BTN3A3: variants seen among roughly 807,000 people sequenced by gnomAD.
BTN3A3 encodes the protein butyrophilin 3.
Under a neutral mutation model 43.2 loss-of-function variants are expected in BTN3A3, and 39 were observed. The observed-to-expected ratio is 0.90, with a 90% CI of 0.70 to 1.18. The LOEUF is 1.18. BTN3A3 is among the 50% of genes most tolerant of loss of function. BTN3A3 has a pLI of 0.00. For synonymous variants in BTN3A3, 255 were observed against 272.7 expected, an observed-to-expected ratio of 0.93 and a Z score of 0.64; for missense variants, 631 against 722.8, an observed-to-expected ratio of 0.87 and a Z score of 1.46.
rs2113836846 is a variant in BTN3A3 at position 26,445,806 on chromosome 6, G to A, written c.536G>A (p.Trp179Ter). The change falls in exon 5 of 11, where the codon TGG becomes TAG. Residue 179 changes from tryptophan to a stop codon, truncating the protein, a stop_gained. Transcript: ENST00000244519. LOFTEE classifies it high-confidence loss of function. ...TGWYPQPQIK[W>*]SDTKGENIPA... is the part of the protein sequence containing the mutation. ...TGGTACCCCCAACCCCAAATAAAGT[G>A]GAGCGACACCAAGGGAGAGAACATC... 6.2e-7 allele frequency: 1 copy of A among 1,614,186 alleles called. No individual in the cohort carries two copies. The highest frequency in any genetic ancestry group is 8.5e-7 in the Non-Finnish European group (1 of 1,180,036).
chr6:26,448,871 T>C, intron 8 of BTN3A3, 117 bp downstream of exon 8: 4 of 1,236,986 alleles, frequency 3.2e-6, no homozygotes, highest in Non-Finnish European at 4.7e-6. Context: ...CCTAGATCCC[T>C]TTACTCAGGA....
Position 26,441,857 on chromosome 6 carries a change from T to C in BTN3A3, c.-67+1209T>C, listed in dbSNP as rs77237223. Among the ~76,000 whole-genome samples, 972 of 152,238 alleles carry C rather than the reference T, an allele frequency of 6.4e-3. 8 individuals are homozygous for C. The highest frequency in any genetic ancestry group is 0.022 in the African/African-American group (895 of 41,520). On this transcript the variant is annotated intron_variant, in intron 1 of 10. Coordinates refer to ENST00000244519, the MANE Select transcript of BTN3A3 (RefSeq NM_006994.5). ...CCTTTATGCTTTTCTTCATTTGCAA[T>C]ATTGACTATAATCAGGAAGAAAATA...
chr6:26,450,150 AT>A lies in BTN3A3; in HGVS notation c.1018+18del. On this transcript the variant is annotated intron_variant, in intron 10 of 10. Transcript: ENST00000244519. Reference sequence around the variant, plus strand: ...TCAAACCTGGTGAGTAAATCACTGTATGTTCCCTGGATCAACAACCTGAGGG... The same window carrying A: ...TCAAACCTGGTGAGTAAATCACTGTAGTTCCCTGGATCAACAACCTGAGGG... 6.2e-7 allele frequency: 1 copy of A among 1,611,954 alleles called. No individual in the cohort carries two copies. Among genetic ancestry groups the A allele is most frequent in the Non-Finnish European group, 8.5e-7 (1 of 1,178,068 alleles).
intron 8 of BTN3A3, 103 bp from the exon 9 acceptor site, chr6:26,449,559 G>A: frequency 8.0e-7 from 1 of 1,252,292 alleles, no homozygotes; most frequent in East Asian, 2.3e-5. Flanking sequence ...GGGAAGAGTG[G>A]AATGGTCAAA....
At chr6:26,440,772 CTG>C (rs55866097) in intron 1 of BTN3A3, 124 bp downstream of exon 1, 15,170 of 147,682 alleles carry the variant, frequency 0.1, 1,070 homozygotes, top group African/African-American at 0.21. Context: ...TGCAGTGCCT[CTG>C]TGTGTGTGTG....
At chr6:26,442,546 T>C (rs1309976379) in intron 1 of BTN3A3, among the ~76,000 whole-genome samples, 1 of 152,198 alleles carries the variant, frequency 6.6e-6, no homozygotes, top group Non-Finnish European at 1.5e-5. Flanking sequence ...TGTATCACCA[T>C]TATCTAGGTT....
At position 26,443,608 on chromosome 6, in the gene BTN3A3, C is replaced by T. The variant is rs764870694; in HGVS notation, c.34C>T (p.Leu12Phe). 5.6e-6 allele frequency: 9 copies of T among 1,614,114 alleles called. No individual in the cohort carries two copies. In the East Asian group the frequency reaches 1.8e-4, roughly 32 times the overall value. The change falls in exon 3 of 11, where the codon CTC (leucine) becomes TTC (phenylalanine). Residue 12 changes from leucine to phenylalanine, a missense_variant. Transcript: ENST00000244519. ...KMASSLAFLL[L>F]NFHVSLFLVQ... is the part of the protein sequence containing the mutation. ...GGCAAGTTCCCTGGCTTTCCTTCTG[C>T]TCAACTTTCATGTCTCCCTCTTCTT...
chr6:26,443,424 A>G lies in BTN3A3; in HGVS notation c.-24A>G, dbSNP rs370604128. On this transcript the variant is annotated 5_prime_UTR_variant, in exon 2 of 11. Coordinates refer to ENST00000244519, the MANE Select transcript of BTN3A3 (RefSeq NM_006994.5). ...AACCCAAAGGTAAAGACACTCAAGG[A>G]CAGACATTTTTGGCAGAGGTAAGAT... The G allele has an allele frequency of 2.1e-4, 302 of 1,461,110 alleles. 10 individuals are homozygous for G. Among genetic ancestry groups the G allele is most frequent in the East Asian group, 1.5e-3 (61 of 40,772 alleles). The allele number at this position is 1,461,110 out of a possible 1,614,324, so 90.5% of individuals were successfully genotyped here.
At position 26,451,834 on chromosome 6, in the gene BTN3A3, G is replaced by A. The variant is rs779329350; in HGVS notation, c.1178G>A (p.Gly393Glu). 2.5e-6 allele frequency: 4 copies of A among 1,614,032 alleles called. No homozygotes were observed. Among genetic ancestry groups the A allele is most frequent in the East Asian group, 2.2e-5 (1 of 44,882 alleles). Residue 393 changes from glycine (G) to glutamate (E), a missense_variant, in exon 11 of 11, where the codon GGG becomes GAG. Physicochemically the swap from Gly to Glu is moderately conservative, Grantham distance 98. Coordinates refer to ENST00000244519, the MANE Select transcript of BTN3A3 (RefSeq NM_006994.5). Reference protein sequence around the residue: ...CVLGCENFTSGRHYWEVEVGD... With the variant: ...CVLGCENFTSERHYWEVEVGD... The stretch of plus-strand genomic sequence containing the variant: ...CTTGGCTGTGAAAACTTCACATCAG[G>A]GAGACATTACTGGGAGGTGGAAGTG...
rs763874766 is a variant in BTN3A3 at position 26,443,635 on chromosome 6, G to C, written c.61G>C (p.Val21Leu). The C allele has an allele frequency of 1.4e-5, 22 of 1,614,020 alleles. No individual in the cohort carries two copies. The highest frequency in any genetic ancestry group is 1.4e-5 in the Non-Finnish European group (16 of 1,180,032). ...LLNFHVSLFL[V>L]QLLTPCSAQF... ...CAACTTTCATGTCTCCCTCTTCTTG[G>C]TCCAGCTGCTCACTCCTTGCTCAGG... The change falls in exon 3 of 11, where the codon GTC becomes CTC. Residue 21 changes from valine to leucine, a missense_variant. Physicochemically the swap from Val to Leu is conservative, Grantham distance 32 (BLOSUM62 1). This residue lies in a region of BTN3A3 where 80 missense variants were observed against 138.7 expected (regional missense o/e 0.58). Transcript: ENST00000244519.
In BTN3A3 at chr6:26,444,223, G is replaced by A; in HGVS notation, c.352G>A (p.Ala118Thr). The A allele has an allele frequency of 3.1e-6, 5 of 1,612,062 alleles. No individual in the cohort carries two copies. The highest frequency in any genetic ancestry group is 4.2e-6 in the Non-Finnish European group (5 of 1,179,872). ...TGCTCTCCGAATACACAACGTCACA[G>A]CCTCTGACAGTGGAAAGTACTTGTG... ...KAALRIHNVT[A>T]SDSGKYLCYF... Residue 118 changes from alanine to threonine, a missense_variant, in exon 4 of 11, where the codon GCC becomes ACC. Transcript: ENST00000244519.
In BTN3A3 at chr6:26,451,841, T is replaced by C. The variant is rs142830190; in HGVS notation, c.1185T>C (p.His395=). The change falls in exon 11 of 11, where the codon CAT becomes CAC. Residue 395 remains histidine (H), a synonymous_variant. Coordinates refer to ENST00000244519, the MANE Select transcript of BTN3A3 (RefSeq NM_006994.5). ...GTGAAAACTTCACATCAGGGAGACA[T>C]TACTGGGAGGTGGAAGTGGGGGACA... ...LGCENFTSGR[H]YWEVEVGDRK... is the part of the protein sequence containing the mutation. The C allele has an allele frequency of 2.0e-4, 321 of 1,613,776 alleles. 1 individual carries two copies. Among genetic ancestry groups the C allele is most frequent in the East Asian group, 4.2e-4 (19 of 44,878 alleles).
At position 26,444,334 on chromosome 6, in the gene BTN3A3, C is replaced by A. The variant is rs749573167; in HGVS notation, c.433+30C>A. 2.5e-6 allele frequency: 4 copies of A among 1,612,012 alleles called. No homozygotes were observed. The Admixed American group carries it at 6.7e-5, about 27-fold the overall frequency. On this transcript the variant is annotated intron_variant, in intron 4 of 10. Transcript: ENST00000244519. ...GCCTCCAGGTTTTGTTCTGAGAACA[C>A]TTCTCTGTAGGATCTAGAGCAGATG...
intron 1 of BTN3A3, among the ~76,000 whole-genome samples, chr6:26,440,874 G>A (rs1762612051): frequency 6.6e-6 from 1 of 152,116 alleles, no homozygotes; most frequent in Admixed American, 6.6e-5. Flanking sequence ...GAGGCAAGTA[G>A]TGCAAAGAAT....
intron 1 of BTN3A3, among the ~76,000 whole-genome samples, chr6:26,441,044 T>G (rs1180627978): frequency 6.6e-6 from 1 of 152,204 alleles, no homozygotes; most frequent in Non-Finnish European, 1.5e-5. Context: ...TTCTAAGAGA[T>G]TCTAGAAAGA....
At chr6:26,444,814 T>G (rs1581652400) in intron 4 of BTN3A3, 1 of 219,572 alleles carries the variant, frequency 4.6e-6, no homozygotes, top group Non-Finnish European at 9.2e-6. Context: ...TGTGGCGAGG[T>G]CTCAGTAAGG....
chr6:26,445,212 A>G (rs1762744214), intron 4 of BTN3A3: 2 of 162,690 alleles, frequency 1.2e-5, no homozygotes, highest in Non-Finnish European at 2.7e-5. Context: ...AAGACCTGGT[A>G]TCAGGTTCCA....
rs920188754 is a variant in BTN3A3, at chr6:26,445,794, C to G, written c.524C>G (p.Pro175Arg). 1 of 1,614,150 alleles carries G rather than the reference C, an allele frequency of 6.2e-7. No homozygotes were observed. Among genetic ancestry groups the G allele is most frequent in the South Asian group, 1.1e-5 (1 of 91,086 alleles). ...AGGTCCACTGGCTGGTACCCCCAAC[C>G]CCAAATAAAGTGGAGCGACACCAAG... ...ECRSTGWYPQ[P>R]QIKWSDTKGE... The change falls in exon 5 of 11, where the codon CCC becomes CGC. Residue 175 changes from proline to arginine, a missense_variant. Transcript: ENST00000244519.
At chr6:26,448,971 T>C (rs533758420) in intron 8 of BTN3A3, among the ~76,000 whole-genome samples, 84 of 151,440 alleles carry the variant, frequency 5.5e-4, no homozygotes, top group Non-Finnish European at 1.1e-3. Context: ...GAAAAAGAGG[T>C]CTTCAATCTC....
Sources: gnomAD v4.1 joint callset for allele counts (sites outside exome capture counted in the v4.1 genomes callset) on GRCh38, gnomAD v4.1.1 for gene constraint, gnomAD v4.1.1 regional missense constraint, MANE v1.5 for transcripts, NCBI Gene and HGNC (gene_info 2026-07-23, HGNC 2026-07-21) for gene names.